Variants in DSCAM observed in about 807,000 individuals in gnomAD.
The protein encoded by DSCAM is DS cell adhesion molecule, also known as cell adhesion molecule DSCAM.
In DSCAM, 47 loss-of-function variants were observed where a neutral mutation model predicts 217.7. That is an observed-to-expected ratio of 0.22 (90% CI 0.17 to 0.28). DSCAM has a LOEUF of 0.28. Among genes scored for constraint, DSCAM ranks in the 10% least tolerant of loss-of-function variants. The probability of loss-of-function intolerance (pLI) is 1.00; values close to 1 mark genes in which losing one functional copy is unlikely to be tolerated. For synonymous variants in DSCAM, 1,056 were observed against 1,015.3 expected, an observed-to-expected ratio of 1.04 and a Z score of -0.76; for missense variants, 2,080 against 2,618.3, an observed-to-expected ratio of 0.79 and a Z score of 4.49.
chr21:40,099,150 T>C (rs1322839333), intron 20 of DSCAM, among the ~76,000 whole-genome samples: 2 of 152,256 alleles, frequency 1.3e-5, no homozygotes, highest in Non-Finnish European at 2.9e-5. Context: ...TCTTTTTCTG[T>C]GTAGACAACA....
chr21:40,115,356 T>C (rs1213577118), intron 20 of DSCAM, among the ~76,000 whole-genome samples: 2 of 151,988 alleles, frequency 1.3e-5, no homozygotes, highest in Non-Finnish European at 2.9e-5. Context: ...TAGGTGGGAA[T>C]TGAACAATGA....
intron 3 of DSCAM, among the ~76,000 whole-genome samples, chr21:40,604,853 GTTGTGT>G (rs2089211288): frequency 6.6e-6 from 1 of 152,172 alleles, no homozygotes; most frequent in South Asian, 2.1e-4. Flanking sequence ...GTGCTTTGTG[GTTGTGT>G]TTATTTGTTT....
intron 9 of DSCAM, among the ~76,000 whole-genome samples, chr21:40,297,570 A>G (rs559239735): frequency 6.6e-6 from 1 of 152,326 alleles, no homozygotes; most frequent in South Asian, 2.1e-4. Context: ...CAGCTGCCAC[A>G]TATGATAGAC....
intron 20 of DSCAM, among the ~76,000 whole-genome samples, chr21:40,118,536 G>A (rs1301291087): frequency 2.6e-5 from 4 of 152,136 alleles, no homozygotes; most frequent in South Asian, 2.1e-4. Context: ...GCAGTGAGCC[G>A]AGATTGCGCC....
intron 15 of DSCAM, among the ~76,000 whole-genome samples, chr21:40,175,780 T>TATACAC (rs1468373577): frequency 1.4e-5 from 2 of 144,850 alleles, no homozygotes; most frequent in Non-Finnish European, 3.0e-5. Flanking sequence ...AACACACACA[T>TATACAC]ACACACACAC....
intron 3 of DSCAM, among the ~76,000 whole-genome samples, chr21:40,622,031 T>C (rs2089526048): frequency 6.6e-6 from 1 of 152,012 alleles, no homozygotes; most frequent in South Asian, 2.1e-4. Flanking sequence ...AAAACCACTT[T>C]TTACATCAAC....
At position 40,620,269 on chromosome 21, in the gene DSCAM, AAGAAAGAG is replaced by A. The variant is rs2089483026; in HGVS notation, c.508+72533_508+72540del. Among the ~76,000 whole-genome samples, 3 of 142,400 alleles carry A rather than the reference AAGAAAGAG, an allele frequency of 2.1e-5. 1 individual carries two copies. Among genetic ancestry groups the A allele is most frequent in the South Asian group, 4.5e-4 (2 of 4,414 alleles). 93.4% of individuals were successfully genotyped at this position (142,400 alleles called of 152,430 possible). A position where few individuals can be genotyped will look rare whatever the true frequency, so the allele number is the denominator to read the frequency against. On this transcript the variant is annotated intron_variant, in intron 3 of 32. Transcript: ENST00000400454. ...GAAAGAGAGAGAAAAAAGAAAAAGAAAGAAAGAGAGAAAGAGAGAGAAAAAAGAAAAAG... is the reference window on the plus strand; with the variant it reads ...GAAAGAGAGAGAAAAAAGAAAAAGAAAGAAAGAGAGAGAAAAAAGAAAAAG...
At chr21:40,820,657 G>A (rs1160481891) in intron 1 of DSCAM, among the ~76,000 whole-genome samples, 1 of 151,952 alleles carries the variant, frequency 6.6e-6, no homozygotes, top group East Asian at 1.9e-4. Context: ...TCATAAATAT[G>A]TATTACAGAA....
At position 40,369,136 on chromosome 21, in the gene DSCAM, C is replaced by G; in HGVS notation, c.618G>C (p.Glu206Asp). 3.1e-6 allele frequency: 5 copies of G among 1,612,646 alleles called. No individual in the cohort carries two copies. Among genetic ancestry groups the G allele is most frequent in the Non-Finnish European group, 4.2e-6 (5 of 1,179,370 alleles). ...RCITRHRYTG[E>D]TRQSNSARLF... Reference sequence around the variant, plus strand: ...GTCTGGCGCTGTTGCTCTGCCTCGTCTCTCCGGTGTATCGATGCCGCGTGA... The same window carrying G: ...GTCTGGCGCTGTTGCTCTGCCTCGTGTCTCCGGTGTATCGATGCCGCGTGA... Residue 206 changes from glutamate (E) to aspartate (D), a missense_variant, in exon 4 of 33, where the codon GAG becomes GAC. Coordinates refer to ENST00000400454, the MANE Select transcript of DSCAM (RefSeq NM_001389.5).
At chr21:40,599,200 C>CT (rs141354721) in intron 3 of DSCAM, among the ~76,000 whole-genome samples, 5 of 151,768 alleles carry the variant, frequency 3.3e-5, no homozygotes, top group Admixed American at 1.3e-4. Context: ...GAGCAGAAGG[C>CT]TTTTTTTTAT....
rs535328375 is a variant in DSCAM, at chr21:40,353,412, G to A, written c.934+53C>T. On this transcript the variant is annotated intron_variant, in intron 5 of 32. Transcript: ENST00000400454. ...AAACATGGAGATTTGCTTATAACAG[G>A]AGCTCCATCGATGGAAGCCAACACC... 1.6e-4 allele frequency: 248 copies of A among 1,579,692 alleles called. No individual in the cohort carries two copies. The African/African-American group carries it at 2.8e-3, about 18-fold the overall frequency.
At chr21:40,400,816 T>A (rs2075226872) in intron 3 of DSCAM, among the ~76,000 whole-genome samples, 1 of 152,268 alleles carries the variant, frequency 6.6e-6, no homozygotes, top group African/African-American at 2.4e-5. Context: ...GATCTATTAC[T>A]AATGCATGAC....
intron 1 of DSCAM, among the ~76,000 whole-genome samples, chr21:40,821,356 T>G (rs2091925368): frequency 1.3e-5 from 2 of 151,632 alleles, no homozygotes; most frequent in Non-Finnish European, 2.9e-5. Flanking sequence ...AGTCTCTAGA[T>G]TTATGTGCAT....
chr21:40,144,475 C>A lies in DSCAM; in HGVS notation c.3259+16G>T, dbSNP rs374523357. 17 of 1,612,526 alleles carry A rather than the reference C, an allele frequency of 1.1e-5. No individual in the cohort carries two copies. The African/African-American group carries it at 2.3e-4, about 22-fold the overall frequency. ...TGCGGAGGGAAAAGCCACGACCAGG[C>A]CCCGGCCGAACCTACCATCCTCGAG... On this transcript the variant is annotated intron_variant, in intron 17 of 32. Transcript: ENST00000400454. The surrounding 1 kb of genome is among the most constrained non-coding windows in gnomAD (Gnocchi z 4.8).
intron 11 of DSCAM, among the ~76,000 whole-genome samples, chr21:40,266,635 T>TTTTATATA (rs1233684162): frequency 4.0e-4 from 25 of 62,638 alleles, no homozygotes; most frequent in African/African-American, 1.0e-3. Flanking sequence ...CAAAGATGTT[T>TTTTATATA]TATATATATA....
intron 15 of DSCAM, among the ~76,000 whole-genome samples, chr21:40,167,917 A>T (rs546925144): frequency 7.9e-5 from 12 of 152,154 alleles, no homozygotes; most frequent in Non-Finnish European, 1.6e-4. Flanking sequence ...ACAAAAAATT[A>T]GCTGGGTGTG....
At chr21:40,196,582 T>G (rs57199681) in intron 11 of DSCAM, among the ~76,000 whole-genome samples, 2 of 151,336 alleles carry the variant, frequency 1.3e-5, no homozygotes, top group Non-Finnish European at 2.9e-5. Context: ...TCCTTCTCCT[T>G]TTTTCTTTAT....
At chr21:40,371,650 A>T (rs2123704249) in intron 3 of DSCAM, among the ~76,000 whole-genome samples, 1 of 152,092 alleles carries the variant, frequency 6.6e-6, no homozygotes, top group South Asian at 2.1e-4. Context: ...AATATCTAAC[A>T]TTTTTTTCGT....
chr21:40,799,428 A>G (rs570864494), intron 1 of DSCAM, among the ~76,000 whole-genome samples: 1 of 152,200 alleles, frequency 6.6e-6, no homozygotes, highest in Non-Finnish European at 1.5e-5. Context: ...ATTCTACAGT[A>G]TTAGATTCTT....
Sources: allele counts gnomAD v4.1 joint callset (sites outside exome capture counted in the v4.1 genomes callset), GRCh38; gene constraint gnomAD v4.1.1; non-coding constraint Gnocchi (gnomAD v3.1); transcripts MANE v1.5; gene names NCBI Gene and HGNC (gene_info 2026-07-23, HGNC 2026-07-21).